FNDC3B: variants seen among roughly 807,000 people sequenced by gnomAD.
The protein encoded by FNDC3B is fibronectin type III domain-containing protein 3B.
A neutral mutation model predicts 151.5 loss-of-function variants in FNDC3B; 12 were observed. That is an observed-to-expected ratio of 0.08 (90% CI 0.05 to 0.13). FNDC3B has a LOEUF of 0.13. FNDC3B is among the 10% of genes least tolerant of loss of function. The pLI, the probability that FNDC3B is intolerant of heterozygous loss-of-function variation, is 1.00. For synonymous variants in FNDC3B, 528 were observed against 549.0 expected (o/e 0.96, Z 0.54); for missense variants, 1,214 against 1,505.3 (o/e 0.81, Z 3.20).
rs1733298701 is a variant in FNDC3B at position 172,341,167 on chromosome 3, A to G, written c.1907A>G (p.His636Arg). 6.2e-7 allele frequency: 1 copy of G among 1,614,194 alleles called. No homozygotes were observed. The highest frequency in any genetic ancestry group is 1.1e-5 in the South Asian group (1 of 91,090). Residue 636 changes from histidine (H) to arginine (R), a missense_variant, in exon 17 of 26, where the codon CAC (histidine) becomes CGC (arginine). By Grantham distance (29) the His-to-Arg change is conservative (BLOSUM62 0). This residue lies in a region of FNDC3B where 380 missense variants were observed against 420.9 expected (regional missense o/e 0.90). Coordinates refer to ENST00000415807, the MANE Select transcript of FNDC3B (RefSeq NM_022763.4). The stretch of plus-strand genomic sequence containing the variant: ...TCGGCTACCGAATACACCTTCACCC[A>G]CTTGAAACCAGGCACTTTGTACAAA... Reference protein sequence around the residue: ...SGSATEYTFTHLKPGTLYKLR... With the variant: ...SGSATEYTFTRLKPGTLYKLR...
chr3:172,307,958 T>C (rs143075046), intron 10 of FNDC3B, among the ~76,000 whole-genome samples: 186 of 152,336 alleles, frequency 1.2e-3, no homozygotes, highest in Non-Finnish European at 2.1e-3. Flanking sequence ...CTACATCTTA[T>C]CACTTTCTAA....
chr3:172,360,209 A>G (rs1280296293), intron 22 of FNDC3B, among the ~76,000 whole-genome samples: 1 of 152,188 alleles, frequency 6.6e-6, no homozygotes, highest in Non-Finnish European at 1.5e-5. Flanking sequence ...CTAATGGCTA[A>G]TGATGTCAAA....
chr3:172,049,565 T>C (rs942415069), intron 1 of FNDC3B, among the ~76,000 whole-genome samples: 2 of 152,198 alleles, frequency 1.3e-5, no homozygotes, highest in African/African-American at 4.8e-5. Flanking sequence ...TTCGCTCTTA[T>C]TGTCCAGGGT....
At chr3:172,130,982 CA>C (rs1721062985) in intron 2 of FNDC3B, among the ~76,000 whole-genome samples, 1 of 152,298 alleles carries the variant, frequency 6.6e-6, no homozygotes, top group African/African-American at 2.4e-5. Flanking sequence ...TTTAAAAAGA[CA>C]TGGATAATTG....
chr3:172,320,460 C>T (rs1440705889), intron 11 of FNDC3B, among the ~76,000 whole-genome samples: 1 of 152,128 alleles, frequency 6.6e-6, no homozygotes, highest in Non-Finnish European at 1.5e-5. Context: ...AGGAGTAAGT[C>T]ACAAGACCAA....
intron 6 of FNDC3B, among the ~76,000 whole-genome samples, chr3:172,269,637 T>TTTGTG (rs1304121774): frequency 1.3e-5 from 2 of 151,404 alleles, no homozygotes; most frequent in East Asian, 3.9e-4. Flanking sequence ...TGTTTGTTGT[T>TTTGTG]TTGTTTTGTT....
At chr3:172,380,789 T>C (rs1420991873) in intron 24 of FNDC3B, among the ~76,000 whole-genome samples, 177 bp from the exon 25 acceptor site, 1 of 152,242 alleles carries the variant, frequency 6.6e-6, no homozygotes, top group Non-Finnish European at 1.5e-5. Context: ...GAGTAACTTC[T>C]CTGTGCCTAA....
At chr3:172,306,733 C>T (rs1731218301) in intron 9 of FNDC3B, among the ~76,000 whole-genome samples, 1 of 152,178 alleles carries the variant, frequency 6.6e-6, no homozygotes, top group Admixed American at 6.5e-5. Flanking sequence ...TTTTAGTGTA[C>T]AGACCGAACA....
At chr3:172,242,178 C>G (rs1356002644) in intron 4 of FNDC3B, among the ~76,000 whole-genome samples, 1 of 152,242 alleles carries the variant, frequency 6.6e-6, no homozygotes, top group African/African-American at 2.4e-5. Flanking sequence ...GCCCCTGTGG[C>G]TTTGCAGGGT....
chr3:172,222,678 A>T (rs1404247536), intron 3 of FNDC3B, among the ~76,000 whole-genome samples: 4 of 152,112 alleles, frequency 2.6e-5, no homozygotes, highest in Non-Finnish European at 5.9e-5. Context: ...CTGATTAGGA[A>T]TCTAATGCCG....
At chr3:172,089,792 A>G (rs1420445932) in intron 1 of FNDC3B, among the ~76,000 whole-genome samples, 2 of 152,230 alleles carry the variant, frequency 1.3e-5, no homozygotes, top group African/African-American at 2.4e-5. Flanking sequence ...AAAGTCAGCC[A>G]TAAGTGGAAA....
At chr3:172,274,501 G>A (rs1236963820) in intron 6 of FNDC3B, among the ~76,000 whole-genome samples, 3 of 140,580 alleles carry the variant, frequency 2.1e-5, no homozygotes, top group East Asian at 2.1e-4. Flanking sequence ...TTTCCTGTGC[G>A]ATCTTGACCA....
chr3:172,285,679 TTAA>T (rs1310297878), intron 6 of FNDC3B, among the ~76,000 whole-genome samples: 2 of 152,334 alleles, frequency 1.3e-5, no homozygotes, highest in African/African-American at 4.8e-5. Flanking sequence ...GAACCCCGTG[TTAA>T]TCTCCTTAAC....
intron 23 of FNDC3B, among the ~76,000 whole-genome samples, chr3:172,364,471 G>T (rs1450829225): frequency 6.6e-6 from 1 of 152,196 alleles, no homozygotes; most frequent in African/African-American, 2.4e-5. Context: ...CCAATTCCCC[G>T]TGCCCTGCCT....
At chr3:172,125,071 C>G (rs1194024027) in intron 2 of FNDC3B, among the ~76,000 whole-genome samples, 2 of 152,222 alleles carry the variant, frequency 1.3e-5, no homozygotes, top group Non-Finnish European at 2.9e-5. Context: ...GGACTCACCT[C>G]TCTTAGTCTT....
chr3:172,122,073 A>C (rs1479368876), intron 2 of FNDC3B, among the ~76,000 whole-genome samples: 1 of 152,264 alleles, frequency 6.6e-6, no homozygotes, highest in African/African-American at 2.4e-5. Flanking sequence ...AGAATGTGTT[A>C]AGACGAGACA....
At chr3:172,257,569 T>TACACACAC (rs10582558) in intron 6 of FNDC3B, among the ~76,000 whole-genome samples, 171 of 143,872 alleles carry the variant, frequency 1.2e-3, no homozygotes, top group Admixed American at 1.6e-3. Context: ...CACGCATTCA[T>TACACACAC]ACACACACAC....
intron 3 of FNDC3B, among the ~76,000 whole-genome samples, chr3:172,204,101 C>T (rs1318477235): frequency 3.3e-5 from 5 of 152,194 alleles, no homozygotes; most frequent in African/African-American, 1.2e-4. Context: ...CAACTGTGAA[C>T]ATATTGCTGC....
At chr3:172,337,188 TG>T in intron 15 of FNDC3B, 141 bp from the exon 16 acceptor site, 1 of 527,926 alleles carries the variant, frequency 1.9e-6, no homozygotes, top group East Asian at 3.1e-5. Flanking sequence ...ACAGAGGAGT[TG>T]GTGAAATAAA....
Sources: gnomAD v4.1 joint callset for allele counts (sites outside exome capture counted in the v4.1 genomes callset) on GRCh38, gnomAD v4.1.1 for gene constraint, gnomAD v4.1.1 regional missense constraint, MANE v1.5 for transcripts, NCBI Gene and HGNC (gene_info 2026-07-23, HGNC 2026-07-21) for gene names.